The following ANAPC11 variants were observed in gnomAD, a reference collection of about 807,000 sequenced individuals.
ANAPC11 encodes anaphase promoting complex subunit 11, also known as anaphase-promoting complex subunit 11.
In ANAPC11, 5 loss-of-function variants were observed where a neutral mutation model predicts 11.8. That is an observed-to-expected ratio of 0.42 (90% CI 0.22 to 0.89). The LOEUF (loss-of-function observed/expected upper bound fraction) is 0.89, where lower values mean the gene tolerates loss of function less well. ANAPC11 is among the 40% of genes least tolerant of loss of function. The pLI, the probability that ANAPC11 is intolerant of heterozygous loss-of-function variation, is 0.28. For missense variants in ANAPC11, 68 were observed against 112.9 expected (o/e 0.60, Z 1.80); for synonymous variants, 45 against 41.0 (o/e 1.10, Z -0.38).
chr17:81,900,071 G>T lies in ANAPC11; in HGVS notation c.*6G>T. The T allele has an allele frequency of 1.2e-6, 2 of 1,612,294 alleles. No homozygotes were observed. Among genetic ancestry groups the T allele is most frequent in the Non-Finnish European group, 1.7e-6 (2 of 1,179,758 alleles). ...AATGGAAGTTCAAGGAGTGAGGCCC[G>T]ACCTGGCTCTCGCTGGAGGGGCATC... is the stretch of plus-strand genomic sequence containing the variant. On this transcript the variant is annotated 3_prime_UTR_variant, in exon 4 of 4. Coordinates refer to ENST00000344877, the MANE Select transcript of ANAPC11 (RefSeq NM_001002248.3).
upstream of ANAPC11, chr17:81,890,923 A>G: frequency 6.5e-7 from 1 of 1,537,064 alleles, no homozygotes; most frequent in Non-Finnish European, 8.8e-7. Flanking sequence ...GCCTGAGAGG[A>G]TCCGGCCGAA....
chr17:81,899,342 A>G lies in ANAPC11; in HGVS notation c.110-578A>G, dbSNP rs771737681. ...CCCATCCACAGGTGCCCATCAACAC[A>G]GCTTCCCCAACGCCTGGGCAGCACA... On this transcript the variant is annotated intron_variant, in intron 3 of 3. Coordinates refer to ENST00000344877, the MANE Select transcript of ANAPC11 (RefSeq NM_001002248.3). 7.4e-6 allele frequency: 12 copies of G among 1,613,652 alleles called. No homozygotes were observed. The African/African-American group carries it at 1.2e-4, about 16-fold the overall frequency.
At chr17:81,899,881 C>T (rs1454445527) in intron 3 of ANAPC11, 39 bp from the exon 4 acceptor site, 4 of 1,586,032 alleles carry the variant, frequency 2.5e-6, no homozygotes, top group Non-Finnish European at 3.4e-6. Context: ...TGTGTCCAGC[C>T]TGGTCATGCC....
At chr17:81,896,686 A>G (rs2039754245) in intron 3 of ANAPC11, among the ~76,000 whole-genome samples, 1 of 148,420 alleles carries the variant, frequency 6.7e-6, no homozygotes, top group African/African-American at 2.5e-5. Context: ...GCCCATATTG[A>G]TTGACAGGGT....
At position 81,894,486 on chromosome 17, in the gene ANAPC11, G is replaced by A. The variant is rs2039664822; in HGVS notation, c.9G>A (p.Val3=). 6.2e-7 allele frequency: 1 copy of A among 1,611,106 alleles called. No individual in the cohort carries two copies. Among genetic ancestry groups the A allele is most frequent in the Non-Finnish European group, 8.5e-7 (1 of 1,178,062 alleles). MK[V]KIKCWNGVAT... ...CCGCAGGCTCTGCTGCCATGAAGGT[G>A]AAGATTAAGTGCTGGAACGGCGTGG... The change falls in exon 3 of 4, where the codon GTG becomes GTA. Residue 3 remains valine, a synonymous_variant. Transcript: ENST00000344877.
intron 1 of ANAPC11, 21 bp from the exon 2 acceptor site, chr17:81,893,531 A>G (rs2039626598): frequency 6.6e-6 from 1 of 151,728 alleles, no homozygotes; most frequent in Non-Finnish European, 1.5e-5. Flanking sequence ...CCTGCGGCTA[A>G]TTTTTTTGTA....
intron 3 of ANAPC11, among the ~76,000 whole-genome samples, chr17:81,896,301 A>T (rs1316382286): frequency 6.6e-6 from 1 of 152,172 alleles, no homozygotes; most frequent in Non-Finnish European, 1.5e-5. Context: ...GCATGCCTGT[A>T]ATCCCAGCTA....
upstream of ANAPC11, chr17:81,891,106 G>C (rs1345832959): frequency 4.6e-6 from 3 of 654,930 alleles, no homozygotes; most frequent in South Asian, 4.2e-5. Flanking sequence ...CAAACAAAGA[G>C]CTGGGAAGGG....
chr17:81,895,507 A>G (rs139387162), intron 3 of ANAPC11, among the ~76,000 whole-genome samples: 3,396 of 152,332 alleles, frequency 0.022, 118 homozygotes, highest in African/African-American at 0.079. Flanking sequence ...CTGGGCGGGC[A>G]GATCACAAGG....
At position 81,894,328 on chromosome 17, in the gene ANAPC11, C is replaced by G. The variant is rs1280947015; in HGVS notation, c.-11-139C>G. 1.2e-5 allele frequency: 5 copies of G among 434,028 alleles called. No individual in the cohort carries two copies. The Admixed American group carries it at 2.1e-4, about 18-fold the overall frequency. The allele number at this position is 434,028 out of a possible 1,614,324, so 26.9% of individuals were successfully genotyped here. ...TGTTTCCCAGGCTGGGTTCGGACTC[C>G]TGGGCCGGTATGATCTTCCTGCCTT... On this transcript the variant is annotated intron_variant, in intron 2 of 3. Coordinates refer to ENST00000344877, the MANE Select transcript of ANAPC11 (RefSeq NM_001002248.3).
At chr17:81,891,704 G>C, upstream of ANAPC11, 2 of 920,202 alleles carry the variant, frequency 2.2e-6, no homozygotes, top group Non-Finnish European at 2.8e-6. Flanking sequence ...GCGCGGGACG[G>C]GGTGAGGCGG....
At chr17:81,891,221 G>A (rs941609275), upstream of ANAPC11, 3 of 942,208 alleles carry the variant, frequency 3.2e-6, no homozygotes, top group African/African-American at 4.3e-5. Flanking sequence ...CGCTCCACCA[G>A]CCTTATCCAC....
In ANAPC11 at chr17:81,900,159, A is replaced by T; in HGVS notation, c.*94A>T. The T allele has an allele frequency of 2.6e-6, 4 of 1,555,284 alleles. No individual in the cohort carries two copies. In the South Asian group the frequency reaches 4.7e-5, roughly 18 times the overall value. ...GGGGACAGCGCCCCTGAGCTGCAAC[A>T]AGGTGGAAACAAGGGCTGGAGCTGC... On this transcript the variant is annotated 3_prime_UTR_variant, in exon 4 of 4. Transcript: ENST00000344877.
upstream of ANAPC11, chr17:81,891,047 C>G: frequency 1.4e-6 from 1 of 708,638 alleles, no homozygotes; most frequent in Non-Finnish European, 2.3e-6. Context: ...CCGCCTGTGC[C>G]GCGCCCAGCG....
intron 1 of ANAPC11, chr17:81,893,128 C>T (rs2039607042): frequency 6.6e-6 from 1 of 152,186 alleles, no homozygotes; most frequent in Non-Finnish European, 1.5e-5. Flanking sequence ...TGTGGCTCAG[C>T]TTCCCGAATA....
chr17:81,890,844 G>A (rs770114900), upstream of ANAPC11: 9 of 1,613,912 alleles, frequency 5.6e-6, no homozygotes, highest in Admixed American at 5.0e-5. Flanking sequence ...CGCAACAAGA[G>A]CAGATCTGTG....
Position 81,894,524 on chromosome 17 carries a change from G to A in ANAPC11, c.47G>A (p.Trp16Ter). 2 of 1,613,138 alleles carry A rather than the reference G, an allele frequency of 1.2e-6. No individual in the cohort carries two copies. Among genetic ancestry groups the A allele is most frequent in the Middle Eastern group, 1.7e-4 (1 of 6,058 alleles). Residue 16 changes from tryptophan (W) to a stop codon, truncating the protein, a stop_gained, in exon 3 of 4, where the codon TGG becomes TAG. Coordinates refer to ENST00000344877, the MANE Select transcript of ANAPC11 (RefSeq NM_001002248.3). LOFTEE classifies it high-confidence loss of function. ...TGGAACGGCGTGGCCACTTGGCTCT[G>A]GGTGGCCAACGATGAGAACTGTGGC... is the stretch of plus-strand genomic sequence containing the variant. ...KCWNGVATWL[W>*]VANDENCGIC...
intron 3 of ANAPC11, chr17:81,898,118 A>T (rs972905459): frequency 2.0e-5 from 3 of 152,262 alleles, no homozygotes; most frequent in African/African-American, 7.2e-5. Flanking sequence ...GTTTTATTTG[A>T]TCTCTTTTAA....
At chr17:81,899,206 G>T in intron 3 of ANAPC11, 1 of 1,595,734 alleles carries the variant, frequency 6.3e-7, no homozygotes, top group Non-Finnish European at 8.6e-7. Context: ...CATTTCTCTT[G>T]ATCATGGCTG....
Sources: allele counts gnomAD v4.1 joint callset (sites outside exome capture counted in the v4.1 genomes callset), GRCh38; gene constraint gnomAD v4.1.1; transcripts MANE v1.5; gene names NCBI Gene and HGNC (gene_info 2026-07-23, HGNC 2026-07-21).